Variants in PDE1C observed in about 807,000 individuals in gnomAD.
PDE1C encodes phosphodiesterase 1C.
PDE1C carries 62 observed loss-of-function variants against 93.1 expected under a neutral mutation model. That is an observed-to-expected ratio of 0.67 (90% confidence interval 0.54 to 0.82). PDE1C has a LOEUF of 0.82. Among genes scored for constraint, PDE1C ranks in the 40% least tolerant of loss-of-function variants. The pLI, the probability that PDE1C is intolerant of heterozygous loss-of-function variation, is 0.00. For synonymous variants in PDE1C, 325 were observed against 310.1 expected (o/e 1.05, Z -0.50); for missense variants, 742 against 884.6 (o/e 0.84, Z 2.04).
intron 3 of PDE1C, among the ~76,000 whole-genome samples, chr7:32,093,511 C>T (rs1324011869): frequency 6.6e-6 from 1 of 152,174 alleles, no homozygotes; most frequent in Non-Finnish European, 1.5e-5. Flanking sequence ...AATTCAGTGG[C>T]TTGGGATAAG....
At chr7:32,154,601 G>C (rs1801456691) in intron 3 of PDE1C, among the ~76,000 whole-genome samples, 5 of 152,046 alleles carry the variant, frequency 3.3e-5, no homozygotes, top group Admixed American at 2.6e-4. Flanking sequence ...TTTCCATTTT[G>C]CAGAAAAGAA....
At chr7:32,196,072 G>T (rs1357115370) in intron 2 of PDE1C, among the ~76,000 whole-genome samples, 1 of 152,198 alleles carries the variant, frequency 6.6e-6, no homozygotes, top group East Asian at 1.9e-4. Flanking sequence ...AGAAGTGGCA[G>T]CCTAGGTTCC....
intron 1 of PDE1C, among the ~76,000 whole-genome samples, chr7:32,344,984 T>G (rs1168878492): frequency 6.6e-6 from 1 of 152,210 alleles, no homozygotes; most frequent in East Asian, 1.9e-4. Context: ...TAGCTAAAAC[T>G]GAGGTTCATG....
At chr7:31,651,805 C>T in the PDE1C span, 2 of 611,312 alleles carry the variant, frequency 3.3e-6, no homozygotes, top group Admixed American at 2.9e-5. Flanking sequence ...AGTAATGTCT[C>T]CAGCTGACAC....
chr7:31,686,659 T>A, the PDE1C span: 2 of 152,176 alleles, frequency 1.3e-5, no homozygotes, highest in South Asian at 2.1e-4. Flanking sequence ...AGCTTCCTCA[T>A]CAATAAAATG....
the PDE1C span, among the ~76,000 whole-genome samples, chr7:31,738,902 C>T: frequency 6.6e-6 from 1 of 152,086 alleles, no homozygotes; most frequent in Non-Finnish European, 1.5e-5. Context: ...CACAGGAAAG[C>T]CTGTGCCATG....
At chr7:32,085,302 A>G (rs201964169) in intron 3 of PDE1C, among the ~76,000 whole-genome samples, 39,385 of 85,440 alleles carry the variant, frequency 0.46, 11,221 homozygotes, top group African/African-American at 0.57. Context: ...GACTAAACAA[A>G]GAAGAATTTG....
chr7:32,365,578 A>C (rs952099049), intron 1 of PDE1C, among the ~76,000 whole-genome samples: 1 of 152,142 alleles, frequency 6.6e-6, no homozygotes, highest in Non-Finnish European at 1.5e-5. Context: ...AGACAGCCCC[A>C]GTACCCATGT....
intron 1 of PDE1C, among the ~76,000 whole-genome samples, chr7:32,262,787 T>G (rs1030065112): frequency 6.6e-6 from 1 of 152,196 alleles, no homozygotes; most frequent in African/African-American, 2.4e-5. Context: ...GGATAGTATT[T>G]TGGAATAAGA....
At chr7:32,129,181 A>T (rs1333310799) in intron 3 of PDE1C, among the ~76,000 whole-genome samples, 1 of 151,246 alleles carries the variant, frequency 6.6e-6, no homozygotes, top group Non-Finnish European at 1.5e-5. Flanking sequence ...ACTGTGTTTA[A>T]TCTGTTGGTT....
the PDE1C span, among the ~76,000 whole-genome samples, chr7:31,661,860 C>G: frequency 2.0e-5 from 3 of 152,152 alleles, no homozygotes; most frequent in Non-Finnish European, 4.4e-5. Context: ...TTCACATTCC[C>G]CGAGTCTCTC....
chr7:31,881,397 G>A (rs536122268), intron 2 of PDE1C, among the ~76,000 whole-genome samples: 1 of 152,202 alleles, frequency 6.6e-6, no homozygotes, highest in South Asian at 2.1e-4. Context: ...ACTCTGAGAG[G>A]AGATAAATAC....
the PDE1C span, among the ~76,000 whole-genome samples, chr7:31,721,043 CTGTA>C: frequency 1.2e-4 from 18 of 152,312 alleles, no homozygotes; most frequent in African/African-American, 4.1e-4. Context: ...GTGTGTATGA[CTGTA>C]TGTGTGTACA....
At chr7:32,121,669 G>C in intron 3 of PDE1C, among the ~76,000 whole-genome samples, 1 of 152,012 alleles carries the variant, frequency 6.6e-6, no homozygotes, top group Non-Finnish European at 1.5e-5. Context: ...ACAAGCAAAG[G>C]CTGAGGGATT....
intron 1 of PDE1C, among the ~76,000 whole-genome samples, chr7:32,268,109 G>A (rs1267151750): frequency 6.6e-6 from 1 of 152,238 alleles, no homozygotes; most frequent in African/African-American, 2.4e-5. Context: ...GAACCCAAAT[G>A]TGGAGGTCCA....
intron 1 of PDE1C, among the ~76,000 whole-genome samples, chr7:32,285,928 CA>C (rs1415985628): frequency 1.3e-5 from 2 of 152,166 alleles, no homozygotes; most frequent in Non-Finnish European, 2.9e-5. Flanking sequence ...ATAAATCTCT[CA>C]AACAGCACTT....
At chr7:31,654,706 G>A in the PDE1C span, among the ~76,000 whole-genome samples, 28 of 152,294 alleles carry the variant, frequency 1.8e-4, 1 homozygote, top group South Asian at 5.8e-3. Flanking sequence ...AAGGAATGGG[G>A]AATAGATGCA....
intron 2 of PDE1C, among the ~76,000 whole-genome samples, chr7:31,999,690 G>GAT (rs1785215407): frequency 6.6e-6 from 1 of 152,146 alleles, no homozygotes; most frequent in Admixed American, 6.5e-5. Context: ...CTCAAGGTGA[G>GAT]ATATCAACAT....
At chr7:31,993,027 C>G (rs1217818729) in intron 2 of PDE1C, among the ~76,000 whole-genome samples, 1 of 152,198 alleles carries the variant, frequency 6.6e-6, no homozygotes, top group African/African-American at 2.4e-5. Flanking sequence ...GATTAGTTTA[C>G]AGTAGTTGCT....
Sources: allele counts gnomAD v4.1 joint callset (sites outside exome capture counted in the v4.1 genomes callset), GRCh38; gene constraint gnomAD v4.1.1; transcripts MANE v1.5; gene names NCBI Gene and HGNC (gene_info 2026-07-23, HGNC 2026-07-21).